MAP3K7: variants seen among roughly 807,000 people sequenced by gnomAD.
MAP3K7 encodes the protein mitogen-activated protein kinase kinase kinase 7, also known as TGF-beta activated kinase 1.
In MAP3K7, 21 loss-of-function variants were observed where a neutral mutation model predicts 84.8. The ratio of observed to expected loss-of-function variants is 0.25; its 90% CI spans 0.18 to 0.36. The LOEUF is 0.36. Among genes scored for constraint, MAP3K7 ranks in the 10% least tolerant of loss-of-function variants. The pLI is 1.00. For synonymous variants in MAP3K7, 241 were observed against 247.7 expected, an observed-to-expected ratio of 0.97 and a Z score of 0.25; for missense variants, 503 against 747.7, an observed-to-expected ratio of 0.67 and a Z score of 3.82.
intron 1 of MAP3K7, among the ~76,000 whole-genome samples, chr6:90,576,047 A>G (rs972789155): frequency 3.3e-5 from 5 of 152,142 alleles, no homozygotes; most frequent in Admixed American, 6.5e-5. Flanking sequence ...CACATAGAAC[A>G]ACGACAACAA....
chr6:90,555,046 A>G (rs1776292416), intron 6 of MAP3K7, among the ~76,000 whole-genome samples: 1 of 152,170 alleles, frequency 6.6e-6, no homozygotes, highest in Non-Finnish European at 1.5e-5. Context: ...TTTTATGGGC[A>G]TTTACACTTC....
chr6:90,517,714 T>C lies in MAP3K7; in HGVS notation c.1640+733A>G, dbSNP rs1412663675. Among the ~76,000 whole-genome samples the C allele has an allele frequency of 3.3e-5, 5 of 151,758 alleles. No individual in the cohort carries two copies. In the East Asian group the frequency reaches 7.7e-4, roughly 23 times the overall value. ...TATCAATAAATTATGATAAAACAAT[T>C]TTTTCTCTCTTTTTTTTGAAGTACA... On this transcript the variant is annotated intron_variant, in intron 16 of 16. Coordinates refer to ENST00000369329, the MANE Select transcript of MAP3K7 (RefSeq NM_145331.3).
chr6:90,586,816 G>C lies in MAP3K7; in HGVS notation c.68C>G (p.Ser23Cys), dbSNP rs770391295. The change falls in exon 1 of 17, where the codon TCC becomes TGC. Residue 23 changes from serine (S) to cysteine (C), a missense_variant. Physicochemically the swap from Ser to Cys is moderately radical, Grantham distance 112. Around this residue, in one of 5 missense-constraint regions of MAP3K7, gnomAD observed 41 missense variants for 41.4 expected, o/e 0.99. Transcript: ENST00000369329. Reference protein sequence around the residue: ...SSAGEMIEAPSQVLNFEEIDY... With the variant: ...SSAGEMIEAPCQVLNFEEIDY... ...GATCTCTTCAAAGTTGAGGACCTGG[G>C]AAGGGGCTTCGATCATCTCACCGGC... is the stretch of plus-strand genomic sequence containing the variant. 7 of 1,610,900 alleles carry C rather than the reference G, an allele frequency of 4.3e-6. No individual in the cohort carries two copies. In the African/African-American group the frequency reaches 5.4e-5, roughly 12 times the overall value.
chr6:90,550,541 T>C lies in MAP3K7; in HGVS notation c.876A>G (p.Pro292=), dbSNP rs1379433960. ...KIMTHLMRYF[P]GADEPLQYPC... is the part of the protein sequence containing the mutation. ...GATACTGTAATGGCTCATCTGCTCC[T>C]GGAAAGTACTATATATAAAAAAGTA... The change falls in exon 9 of 17, where the codon CCA becomes CCG. Residue 292 remains proline (P), a synonymous_variant. Coordinates refer to ENST00000369329, the MANE Select transcript of MAP3K7 (RefSeq NM_145331.3). 1.2e-6 allele frequency: 2 copies of C among 1,604,406 alleles called. No individual in the cohort carries two copies. Among genetic ancestry groups the C allele is most frequent in the Admixed American group, 1.7e-5 (1 of 59,684 alleles).
At chr6:90,576,419 TCACACACACACACACACACACACA>T (rs11468988) in intron 1 of MAP3K7, among the ~76,000 whole-genome samples, 187 of 136,956 alleles carry the variant, frequency 1.4e-3, no homozygotes, top group Non-Finnish European at 1.9e-3. Flanking sequence ...CTAGACTCTG[TCACACACACACACACACACACACA>T]CACACACACA....
chr6:90,532,019 G>A (rs1775525214), intron 13 of MAP3K7, among the ~76,000 whole-genome samples: 1 of 151,598 alleles, frequency 6.6e-6, no homozygotes, highest in Admixed American at 6.6e-5. Flanking sequence ...TATGAAGAAG[G>A]AATTATTCAA....
chr6:90,548,186 AG>A lies in MAP3K7; in HGVS notation c.950-10del. On this transcript the variant is annotated splice_polypyrimidine_tract_variant and intron_variant, in intron 9 of 16. Coordinates refer to ENST00000369329, the MANE Select transcript of MAP3K7 (RefSeq NM_145331.3). ...AATGTCCATGAATGAGCCTAGGAAA[AG>A]CAGAAACATTTATGACTAATGGCTG... The A allele has an allele frequency of 6.2e-7, 1 of 1,601,542 alleles. No homozygotes were observed. Among genetic ancestry groups the A allele is most frequent in the South Asian group, 1.1e-5 (1 of 88,488 alleles).
chr6:90,563,142 T>C (rs1776583294), intron 3 of MAP3K7, among the ~76,000 whole-genome samples: 1 of 152,146 alleles, frequency 6.6e-6, no homozygotes, highest in South Asian at 2.1e-4. Flanking sequence ...GCAGAAAAGC[T>C]GAAAATTCTA....
chr6:90,528,333 A>C (rs1321184998), intron 13 of MAP3K7, among the ~76,000 whole-genome samples: 1 of 152,224 alleles, frequency 6.6e-6, no homozygotes, highest in Non-Finnish European at 1.5e-5. Flanking sequence ...ACAAACACTC[A>C]AATTCAAGAC....
chr6:90,532,402 C>G (rs1405557586), intron 13 of MAP3K7, among the ~76,000 whole-genome samples: 2 of 152,144 alleles, frequency 1.3e-5, no homozygotes, highest in African/African-American at 4.8e-5. Context: ...GGCACTTTCA[C>G]ATCTGTTAAG....
At chr6:90,585,125 G>C (rs1300901274) in intron 1 of MAP3K7, among the ~76,000 whole-genome samples, 2 of 152,234 alleles carry the variant, frequency 1.3e-5, no homozygotes, top group African/African-American at 4.8e-5. Flanking sequence ...AAATGAAACA[G>C]AATTTATTAG....
At chr6:90,525,175 G>C (rs1392829563) in intron 13 of MAP3K7, among the ~76,000 whole-genome samples, 1 of 151,822 alleles carries the variant, frequency 6.6e-6, no homozygotes, top group Admixed American at 6.6e-5. Flanking sequence ...AATTTACAGA[G>C]ACAGAGAAAA....
chr6:90,546,536 G>C (rs1776006669), intron 11 of MAP3K7, among the ~76,000 whole-genome samples: 1 of 152,006 alleles, frequency 6.6e-6, no homozygotes, highest in Non-Finnish European at 1.5e-5. Context: ...CTGATCCCTG[G>C]AAAGAATCAG....
intron 11 of MAP3K7, among the ~76,000 whole-genome samples, chr6:90,545,974 A>C (rs1207790757): frequency 6.6e-6 from 1 of 152,148 alleles, no homozygotes; most frequent in Non-Finnish European, 1.5e-5. Context: ...GATGAAATGG[A>C]ACTTCAACAG....
chr6:90,568,943 A>G (rs1240512191), intron 2 of MAP3K7, among the ~76,000 whole-genome samples: 1 of 152,120 alleles, frequency 6.6e-6, no homozygotes, highest in East Asian at 1.9e-4. Flanking sequence ...GAAGAGATGA[A>G]CTCTGCCAAG....
chr6:90,527,309 C>T (rs1387711318), intron 13 of MAP3K7, among the ~76,000 whole-genome samples: 2 of 151,938 alleles, frequency 1.3e-5, no homozygotes, highest in African/African-American at 4.8e-5. Context: ...CTTGCCCAGG[C>T]TGGTGTGCAA....
rs536657221 is a variant in MAP3K7, at chr6:90,530,749, A to C, written c.1356+5588T>G. Among the ~76,000 whole-genome samples the C allele has an allele frequency of 1.2e-3, 188 of 152,360 alleles. 2 individuals carry two copies. The Middle Eastern group carries it at 0.014, about 11-fold the overall frequency. On this transcript the variant is annotated intron_variant, in intron 13 of 16. Transcript: ENST00000369329. Reference sequence around the variant, plus strand: ...ATAACTGTAGTTTTTGAGTATGTGAATAATACAAGGCATAAATAAGAGGAA... The same window carrying C: ...ATAACTGTAGTTTTTGAGTATGTGACTAATACAAGGCATAAATAAGAGGAA...
chr6:90,578,576 G>A (rs897298225), intron 1 of MAP3K7, among the ~76,000 whole-genome samples: 1 of 152,160 alleles, frequency 6.6e-6, no homozygotes, highest in Non-Finnish European at 1.5e-5. Context: ...CACCTGGCCA[G>A]AGACAGGAGT....
chr6:90,549,935 C>T (rs572045601), intron 9 of MAP3K7, among the ~76,000 whole-genome samples: 12 of 152,176 alleles, frequency 7.9e-5, no homozygotes, highest in African/African-American at 2.9e-4. Flanking sequence ...GCTTATAATG[C>T]CACTATATTT....
Sources: allele counts gnomAD v4.1 joint callset (sites outside exome capture counted in the v4.1 genomes callset), GRCh38; gene constraint gnomAD v4.1.1; regional missense constraint gnomAD v4.1.1; transcripts MANE v1.5; gene names NCBI Gene and HGNC (gene_info 2026-07-23, HGNC 2026-07-21).